TFDP2: variants seen among roughly 807,000 people sequenced by gnomAD.
TFDP2 encodes transcription factor Dp-2 (E2F dimerization partner 2).
Under a neutral mutation model 59.3 loss-of-function variants are expected in TFDP2, and 17 were observed. The ratio of observed to expected loss-of-function variants is 0.29; its 90% CI spans 0.20 to 0.43. The LOEUF (loss-of-function observed/expected upper bound fraction) is 0.43, where lower values mean the gene tolerates loss of function less well. Among genes scored for constraint, TFDP2 ranks in the 20% least tolerant of loss-of-function variants. The probability of loss-of-function intolerance (pLI) is 1.00; values close to 1 mark genes in which losing one functional copy is unlikely to be tolerated. For missense variants in TFDP2, 391 were observed against 528.8 expected, an observed-to-expected ratio of 0.74 and a Z score of 2.56; for synonymous variants, 180 against 194.7, an observed-to-expected ratio of 0.92 and a Z score of 0.63.
intron 1 of TFDP2, among the ~76,000 whole-genome samples, chr3:142,135,220 T>G (rs1369146597): frequency 3.3e-5 from 5 of 152,016 alleles, no homozygotes; most frequent in Non-Finnish European, 7.4e-5. Flanking sequence ...ATCCTCTCAC[T>G]TCAGCCTCAC....
chr3:142,048,047 A>G (rs1947433940), intron 3 of TFDP2, among the ~76,000 whole-genome samples: 1 of 152,104 alleles, frequency 6.6e-6, no homozygotes, highest in African/African-American at 2.4e-5. Flanking sequence ...TGGCCCTAAT[A>G]TGCTAATTAT....
chr3:142,108,996 C>A (rs1046773999), intron 1 of TFDP2, among the ~76,000 whole-genome samples: 2 of 152,208 alleles, frequency 1.3e-5, no homozygotes, highest in Admixed American at 6.5e-5. Flanking sequence ...GGGGTATCAA[C>A]CTATTGCTCT....
intron 3 of TFDP2, among the ~76,000 whole-genome samples, chr3:142,017,815 T>C (rs1945257958): frequency 6.6e-6 from 1 of 152,136 alleles, no homozygotes; most frequent in African/African-American, 2.4e-5. Flanking sequence ...CCTCCCAAAG[T>C]GCTGGGATTA....
At chr3:142,031,201 T>G (rs1028252715) in intron 3 of TFDP2, among the ~76,000 whole-genome samples, 1 of 152,150 alleles carries the variant, frequency 6.6e-6, no homozygotes, top group African/African-American at 2.4e-5. Context: ...TGAGGTCAAG[T>G]GACAAATAAA....
intron 3 of TFDP2, among the ~76,000 whole-genome samples, chr3:142,089,762 G>A (rs1466297411): frequency 6.6e-6 from 1 of 151,758 alleles, no homozygotes; most frequent in Non-Finnish European, 1.5e-5. Flanking sequence ...CTCTAAGAAA[G>A]GTATTTATAA....
chr3:142,084,946 A>T (rs1379409005), intron 3 of TFDP2, among the ~76,000 whole-genome samples: 1 of 151,986 alleles, frequency 6.6e-6, no homozygotes, highest in African/African-American at 2.4e-5. Context: ...TTTGAGACAG[A>T]GACTCGCTCT....
At chr3:142,132,170 T>C (rs1666258165) in intron 1 of TFDP2, among the ~76,000 whole-genome samples, 1 of 150,254 alleles carries the variant, frequency 6.7e-6, no homozygotes, top group African/African-American at 2.5e-5. Context: ...ATTATTGATA[T>C]ACTCTGCAGC....
intron 6 of TFDP2, among the ~76,000 whole-genome samples, chr3:141,980,095 G>A (rs1941302625): frequency 1.3e-5 from 2 of 151,426 alleles, no homozygotes; most frequent in Admixed American, 6.6e-5. Flanking sequence ...TGTAGAGACA[G>A]GGTCTCATTA....
intron 7 of TFDP2, among the ~76,000 whole-genome samples, chr3:141,977,493 G>C (rs908139468): frequency 2.0e-5 from 3 of 151,868 alleles, no homozygotes; most frequent in Non-Finnish European, 4.4e-5. Flanking sequence ...TCAGGATGCT[G>C]AGGCACAAGC....
At chr3:142,127,035 ATATCT>A (rs2062289001) in intron 1 of TFDP2, among the ~76,000 whole-genome samples, 1 of 149,802 alleles carries the variant, frequency 6.7e-6, no homozygotes, top group Non-Finnish European at 1.5e-5. Flanking sequence ...ATATATACAG[ATATCT>A]TATAGATATC....
intron 2 of TFDP2, among the ~76,000 whole-genome samples, chr3:142,098,607 C>A (rs983158469): frequency 5.9e-5 from 9 of 152,044 alleles, no homozygotes; most frequent in African/African-American, 2.2e-4. Context: ...GATTTTGAAA[C>A]ATAAATACTA....
At chr3:142,144,961 T>C (rs1406142151) in intron 1 of TFDP2, among the ~76,000 whole-genome samples, 2 of 152,296 alleles carry the variant, frequency 1.3e-5, no homozygotes, top group East Asian at 1.9e-4. Flanking sequence ...ATTACTGCAG[T>C]ACACTAAAGA....
intron 2 of TFDP2, among the ~76,000 whole-genome samples, chr3:142,099,366 T>C (rs1330290623): frequency 6.6e-6 from 1 of 152,196 alleles, no homozygotes; most frequent in Non-Finnish European, 1.5e-5. Context: ...GCACTCACTA[T>C]ATGATCACAT....
chr3:142,131,719 T>C (rs1233004935), intron 1 of TFDP2, among the ~76,000 whole-genome samples: 6 of 150,076 alleles, frequency 4.0e-5, no homozygotes, highest in Non-Finnish European at 8.8e-5. Flanking sequence ...TAAAAACACA[T>C]GTCTGGCCGG....
chr3:142,005,143 G>A (rs577858104), intron 4 of TFDP2, among the ~76,000 whole-genome samples: 5 of 152,302 alleles, frequency 3.3e-5, no homozygotes, highest in African/African-American at 1.2e-4. Flanking sequence ...GACCTCTTGG[G>A]CTCAAGCAAT....
At chr3:141,984,433 G>A (rs1433163913) in intron 6 of TFDP2, among the ~76,000 whole-genome samples, 1 of 152,062 alleles carries the variant, frequency 6.6e-6, no homozygotes, top group African/African-American at 2.4e-5. Context: ...GGAGGCAGAG[G>A]TTTTAGTGAG....
At chr3:141,981,393 T>C (rs940840619) in intron 6 of TFDP2, among the ~76,000 whole-genome samples, 50 of 152,228 alleles carry the variant, frequency 3.3e-4, no homozygotes, top group African/African-American at 1.1e-3. Context: ...TCTCAGAACA[T>C]AGCCCCTCAT....
chr3:142,048,899 G>A (rs1947476311), intron 3 of TFDP2, among the ~76,000 whole-genome samples: 1 of 152,122 alleles, frequency 6.6e-6, no homozygotes, highest in Non-Finnish European at 1.5e-5. Context: ...TCTATCACTT[G>A]GGAAATTAAC....
At chr3:141,982,086 T>C (rs1001402466) in intron 6 of TFDP2, among the ~76,000 whole-genome samples, 1 of 152,148 alleles carries the variant, frequency 6.6e-6, no homozygotes, top group Non-Finnish European at 1.5e-5. Flanking sequence ...ATGTGGGAAG[T>C]GTGAATTGAG....
Sources: allele counts gnomAD v4.1 joint callset (sites outside exome capture counted in the v4.1 genomes callset), GRCh38; gene constraint gnomAD v4.1.1; transcripts MANE v1.5; gene names NCBI Gene and HGNC (gene_info 2026-07-23, HGNC 2026-07-21).